The following KCNE2 variants were observed in gnomAD, a reference collection of about 807,000 sequenced individuals.
KCNE2 encodes potassium voltage-gated channel subfamily E member 2.
KCNE2 carries 4 observed loss-of-function variants against 4.5 expected under a neutral mutation model. The ratio of observed to expected loss-of-function variants is 0.89; its 90% CI spans 0.44 to 2.03. KCNE2 has a LOEUF of 2.03. KCNE2 is among the 30% of genes most tolerant of loss of function. KCNE2 has a pLI of 0.03. For missense variants in KCNE2, 137 were observed against 151.4 expected, an observed-to-expected ratio of 0.90 and a Z score of 0.50; for synonymous variants, 57 against 55.9, an observed-to-expected ratio of 1.02 and a Z score of -0.09.
At chr21:34,368,043 G>T (rs1448586474) in intron 1 of KCNE2, among the ~76,000 whole-genome samples, 2 of 151,730 alleles carry the variant, frequency 1.3e-5, no homozygotes, top group African/African-American at 2.4e-5. Flanking sequence ...TGTCACCTCT[G>T]CAGTTTCATC....
At chr21:34,367,021 A>G (rs1222507485) in intron 1 of KCNE2, among the ~76,000 whole-genome samples, 2 of 150,018 alleles carry the variant, frequency 1.3e-5, no homozygotes, top group Admixed American at 6.7e-5. Flanking sequence ...CAAAACTAAC[A>G]TGGTCATTTG....
At chr21:34,370,031 A>G (rs970661816) in intron 1 of KCNE2, among the ~76,000 whole-genome samples, 2 of 152,216 alleles carry the variant, frequency 1.3e-5, no homozygotes, top group African/African-American at 4.8e-5. Context: ...AAGGTTACCA[A>G]TTTTTTAAAA....
At chr21:34,366,501 G>A (rs1441192269) in intron 1 of KCNE2, among the ~76,000 whole-genome samples, 2 of 151,768 alleles carry the variant, frequency 1.3e-5, no homozygotes, top group South Asian at 2.1e-4. Flanking sequence ...GATTTGCTAC[G>A]TACCCATCGC....
At chr21:34,366,709 G>A (rs1477091590) in intron 1 of KCNE2, among the ~76,000 whole-genome samples, 1 of 152,040 alleles carries the variant, frequency 6.6e-6, no homozygotes, top group Non-Finnish European at 1.5e-5. Flanking sequence ...GCCGGGCACG[G>A]TGGCTCACGC....
chr21:34,366,974 CAAAAAAAAAAAAAAAA>C (rs747133749), intron 1 of KCNE2, among the ~76,000 whole-genome samples: 19 of 14,824 alleles, frequency 1.3e-3, no homozygotes, highest in Non-Finnish European at 2.1e-3. Flanking sequence ...GACTCCATCT[CAAAAAAAAAAAAAAAA>C]AAAAAAAAAA....
chr21:34,367,319 A>G (rs1979353259), intron 1 of KCNE2, among the ~76,000 whole-genome samples: 1 of 152,174 alleles, frequency 6.6e-6, no homozygotes, highest in Non-Finnish European at 1.5e-5. Context: ...ATAAAAAATA[A>G]AATGAAAATA....
intron 1 of KCNE2, among the ~76,000 whole-genome samples, chr21:34,366,174 G>C (rs1603058752): frequency 6.6e-6 from 1 of 152,204 alleles, no homozygotes; most frequent in East Asian, 1.9e-4. Context: ...AATGACTCCA[G>C]TGGAATTCAG....
At chr21:34,368,013 T>G (rs891181036) in intron 1 of KCNE2, among the ~76,000 whole-genome samples, 2 of 152,016 alleles carry the variant, frequency 1.3e-5, no homozygotes, top group East Asian at 3.9e-4. Context: ...CCCATTCAAC[T>G]GAGCCTCTCA....
At chr21:34,368,980 T>C (rs1979462910) in intron 1 of KCNE2, among the ~76,000 whole-genome samples, 1 of 152,056 alleles carries the variant, frequency 6.6e-6, no homozygotes, top group Non-Finnish European at 1.5e-5. Flanking sequence ...AGCTGGAACC[T>C]AAAGAACGAG....
At chr21:34,369,083 AG>A (rs1979468755) in intron 1 of KCNE2, among the ~76,000 whole-genome samples, 1 of 152,116 alleles carries the variant, frequency 6.6e-6, no homozygotes, top group African/African-American at 2.4e-5. Context: ...ACTGACAGGG[AG>A]GGAAGATGTC....
rs757208768 is a variant in KCNE2 at position 34,370,570 on chromosome 21, C to G, written c.92C>G (p.Thr31Arg). The stretch of plus-strand genomic sequence containing the variant: ...ATGGACAATTGGCGCCAGAACACAA[C>G]AGCTGAGCAAGAGGCCCTCCAAGCC... The part of the protein sequence containing the change: ...TYMDNWRQNT[T>R]AEQEALQAKV... The change falls in exon 2 of 2, where the codon ACA becomes AGA. Residue 31 changes from threonine (T) to arginine (R), a missense_variant. By Grantham distance (71) the Thr-to-Arg change is moderately conservative. Coordinates refer to ENST00000290310, the MANE Select transcript of KCNE2 (RefSeq NM_172201.2). 5.6e-6 allele frequency: 9 copies of G among 1,614,196 alleles called. 1 individual carries two copies. In the South Asian group the frequency reaches 9.9e-5, roughly 18 times the overall value.
chr21:34,370,976 C>A lies in KCNE2; in HGVS notation c.*126C>A. ...TTCCTTGCTCTCTGTTGAGAATTTT[C>A]ATGGAGATTATGTGGTTGGCCAATA... On this transcript the variant is annotated 3_prime_UTR_variant, in exon 2 of 2. Coordinates refer to ENST00000290310, the MANE Select transcript of KCNE2 (RefSeq NM_172201.2). 1.6e-6 allele frequency: 2 copies of A among 1,215,608 alleles called. No individual in the cohort carries two copies. The highest frequency in any genetic ancestry group is 2.4e-6 in the Non-Finnish European group (2 of 840,066). 75.3% of individuals were successfully genotyped at this position (1,215,608 alleles called of 1,614,324 possible). A position where few individuals can be genotyped will look rare whatever the true frequency, so the allele number is the denominator to read the frequency against.
At chr21:34,368,876 T>G (rs1285528065) in intron 1 of KCNE2, among the ~76,000 whole-genome samples, 4 of 152,130 alleles carry the variant, frequency 2.6e-5, no homozygotes, top group Non-Finnish European at 5.9e-5. Context: ...TGATGTGTGC[T>G]TTTGAAGAAA....
intron 1 of KCNE2, among the ~76,000 whole-genome samples, chr21:34,370,266 C>G (rs1048656370): frequency 2.6e-5 from 4 of 152,058 alleles, no homozygotes; most frequent in Admixed American, 2.6e-4. Context: ...TACTGTGTAA[C>G]AATCATGGAT....
rs1200919716 is a variant in KCNE2 at position 34,368,355 on chromosome 21, C to G, written c.-12-2112C>G. 2.0e-5 allele frequency among the ~76,000 whole-genome samples: 3 copies of G among 150,578 alleles called. No individual in the cohort carries two copies. The East Asian group carries it at 5.9e-4, about 29-fold the overall frequency. ...GTGGCTCACACCTGTAATCTCAGCA[C>G]TTTGGGAGGCCGAGGCAGGTGGATC... is the stretch of plus-strand genomic sequence containing the variant. On this transcript the variant is annotated intron_variant, in intron 1 of 1. Transcript: ENST00000290310.
At chr21:34,369,463 T>C (rs917957262) in intron 1 of KCNE2, among the ~76,000 whole-genome samples, 3 of 152,036 alleles carry the variant, frequency 2.0e-5, no homozygotes, top group African/African-American at 7.2e-5. Flanking sequence ...GGCATGAGAA[T>C]TGCTTGAACT....
At chr21:34,367,219 G>A (rs1193181936) in intron 1 of KCNE2, among the ~76,000 whole-genome samples, 1 of 150,844 alleles carries the variant, frequency 6.6e-6, no homozygotes, top group African/African-American at 2.4e-5. Context: ...CCAGCACCTT[G>A]GGAGGCTGAA....
intron 1 of KCNE2, among the ~76,000 whole-genome samples, chr21:34,367,594 T>C (rs146972695): frequency 1.3e-5 from 2 of 152,314 alleles, no homozygotes; most frequent in Non-Finnish European, 2.9e-5. Flanking sequence ...GAGAAGAGTA[T>C]ATTATCTTGG....
chr21:34,368,275 ATGTATGT>A (rs1979426827), intron 1 of KCNE2, among the ~76,000 whole-genome samples: 1 of 111,826 alleles, frequency 8.9e-6, no homozygotes. Context: ...TGTTATATAT[ATGTATGT>A]TATATATATG....
Sources: gnomAD v4.1 joint callset for allele counts (sites outside exome capture counted in the v4.1 genomes callset) on GRCh38, gnomAD v4.1.1 for gene constraint, MANE v1.5 for transcripts, NCBI Gene and HGNC (gene_info 2026-07-23, HGNC 2026-07-21) for gene names.